GPC5: variants seen among roughly 807,000 people sequenced by gnomAD.
GPC5 encodes the protein glypican 5.
A neutral mutation model predicts 53.9 loss-of-function variants in GPC5; 47 were observed. The ratio of observed to expected loss-of-function variants is 0.87; its 90% confidence interval spans 0.69 to 1.11. The LOEUF (loss-of-function observed/expected upper bound fraction) is 1.11. GPC5 is among the 50% of genes most tolerant of loss of function. GPC5 has a pLI of 0.00. For missense variants in GPC5, 748 were observed against 713.1 expected (o/e 1.05, Z -0.56); for synonymous variants, 286 against 263.3 (o/e 1.09, Z -0.84).
rs191490851 is a variant in GPC5 at position 92,463,941 on chromosome 13, A to G, written c.1561+318952A>G. On this transcript the variant is annotated intron_variant, in intron 7 of 7. Coordinates refer to ENST00000377067, the MANE Select transcript of GPC5 (RefSeq NM_004466.6). ...TGGCACACTTGGTTTTTGTCATCTT[A>G]TTTTTATTATTTTTGTCACATGTTA... Among the ~76,000 whole-genome samples the G allele has an allele frequency of 2.3e-3, 356 of 152,114 alleles. 5 individuals are homozygous for G. The highest frequency in any genetic ancestry group is 8.1e-3 in the African/African-American group (338 of 41,512).
At chr13:92,232,980 C>A (rs548501286) in intron 7 of GPC5, among the ~76,000 whole-genome samples, 10 of 152,164 alleles carry the variant, frequency 6.6e-5, no homozygotes, top group Admixed American at 2.6e-4. Flanking sequence ...ATTACTTGAA[C>A]AAAATCGAGC....
At chr13:92,405,872 T>A (rs1267433898) in intron 7 of GPC5, among the ~76,000 whole-genome samples, 1 of 152,162 alleles carries the variant, frequency 6.6e-6, no homozygotes, top group Admixed American at 6.5e-5. Flanking sequence ...GACTGAAAAT[T>A]TCTGGTGTTT....
chr13:92,605,750 C>T (rs1472374966), intron 7 of GPC5, among the ~76,000 whole-genome samples: 4 of 151,620 alleles, frequency 2.6e-5, no homozygotes, highest in African/African-American at 7.3e-5. Flanking sequence ...CCACCGCGCC[C>T]GGCTAACGTA....
chr13:92,777,334 TCA>T (rs1875850139), intron 7 of GPC5, among the ~76,000 whole-genome samples: 1 of 40,922 alleles, frequency 2.4e-5, no homozygotes. Context: ...AGACTCCATC[TCA>T]AAAAAAAAAA....
At chr13:92,733,909 T>G (rs1888872085) in intron 7 of GPC5, among the ~76,000 whole-genome samples, 1 of 151,814 alleles carries the variant, frequency 6.6e-6, no homozygotes, top group Admixed American at 6.6e-5. Context: ...TTGAAAAAAT[T>G]ATTTAATACA....
intron 7 of GPC5, among the ~76,000 whole-genome samples, chr13:92,480,865 T>G (rs1202206498): frequency 6.6e-6 from 1 of 152,144 alleles, no homozygotes; most frequent in Non-Finnish European, 1.5e-5. Context: ...CCAGGAGATT[T>G]GGCGAGGGAG....
chr13:92,572,765 C>T (rs1325274646), intron 7 of GPC5, among the ~76,000 whole-genome samples: 1 of 152,036 alleles, frequency 6.6e-6, no homozygotes, highest in African/African-American at 2.4e-5. Context: ...ATTTATTATT[C>T]TGTATATAAC....
At chr13:92,021,239 A>G (rs1364037255) in intron 6 of GPC5, among the ~76,000 whole-genome samples, 1 of 152,218 alleles carries the variant, frequency 6.6e-6, no homozygotes, top group African/African-American at 2.4e-5. Context: ...AATCCCCATC[A>G]ACAGATGAAC....
intron 6 of GPC5, among the ~76,000 whole-genome samples, chr13:91,971,812 T>G (rs2040245015): frequency 6.6e-6 from 1 of 152,250 alleles, no homozygotes. Context: ...CTAGTTTGAT[T>G]GCACTGTGGT....
At chr13:91,689,583 C>T (rs2035710272) in intron 2 of GPC5, among the ~76,000 whole-genome samples, 1 of 150,490 alleles carries the variant, frequency 6.6e-6, no homozygotes, top group Admixed American at 6.6e-5. Flanking sequence ...TCTTTATATC[C>T]TCACTCTATA....
chr13:91,806,925 T>C (rs2038231208), intron 5 of GPC5, among the ~76,000 whole-genome samples: 1 of 152,198 alleles, frequency 6.6e-6, no homozygotes, highest in African/African-American at 2.4e-5. Flanking sequence ...TATATCAATA[T>C]ATTTTTGGAA....
chr13:91,902,743 A>G (rs1310353405), intron 5 of GPC5, among the ~76,000 whole-genome samples: 6 of 152,246 alleles, frequency 3.9e-5, no homozygotes, highest in Middle Eastern at 6.8e-3. Flanking sequence ...GTTACAAAAA[A>G]ATTTAATCTA....
intron 6 of GPC5, among the ~76,000 whole-genome samples, chr13:92,123,569 A>G (rs1475916531): frequency 6.6e-6 from 1 of 152,156 alleles, no homozygotes; most frequent in African/African-American, 2.4e-5. Context: ...TGAATGCCTG[A>G]TACCTTTTTT....
chr13:91,769,700 C>T (rs1044374182), intron 5 of GPC5, among the ~76,000 whole-genome samples: 9 of 151,990 alleles, frequency 5.9e-5, no homozygotes, highest in South Asian at 2.1e-4. Flanking sequence ...CAAATAAGCC[C>T]GGGAAGAAGC....
chr13:92,091,775 A>C (rs886548017), intron 6 of GPC5, among the ~76,000 whole-genome samples: 7 of 152,052 alleles, frequency 4.6e-5, no homozygotes, highest in Admixed American at 2.0e-4. Flanking sequence ...AAAAAAAAAA[A>C]AAAAACAATG....
At chr13:92,814,980 G>A (rs1324936478) in intron 7 of GPC5, among the ~76,000 whole-genome samples, 1 of 151,662 alleles carries the variant, frequency 6.6e-6, no homozygotes, top group African/African-American at 2.4e-5. Context: ...ATTTTCTTAA[G>A]AATAATAAAC....
intron 7 of GPC5, among the ~76,000 whole-genome samples, chr13:92,169,886 T>C (rs1218859076): frequency 6.6e-6 from 1 of 152,122 alleles, no homozygotes; most frequent in Non-Finnish European, 1.5e-5. Context: ...TGTTACTTGG[T>C]GTGTGTTGTT....
At chr13:92,073,994 CAT>C (rs1034988881) in intron 6 of GPC5, among the ~76,000 whole-genome samples, 1 of 152,140 alleles carries the variant, frequency 6.6e-6, no homozygotes, top group Non-Finnish European at 1.5e-5. Flanking sequence ...TGTGAAGAAA[CAT>C]GTGTTTGCTT....
At chr13:91,490,071 T>C (rs979933295) in intron 2 of GPC5, among the ~76,000 whole-genome samples, 1 of 152,226 alleles carries the variant, frequency 6.6e-6, no homozygotes, top group Admixed American at 6.5e-5. Context: ...CTACAATGAT[T>C]ATTTGGTAAG....
Sources: allele counts gnomAD v4.1 joint callset (sites outside exome capture counted in the v4.1 genomes callset), GRCh38; gene constraint gnomAD v4.1.1; transcripts MANE v1.5; gene names NCBI Gene and HGNC (gene_info 2026-07-23, HGNC 2026-07-21).